The following FBXO4 variants were observed in gnomAD, a reference collection of about 807,000 sequenced individuals.
FBXO4 encodes F-box only protein 4.
FBXO4 carries 36 observed loss-of-function variants against 43.7 expected under a neutral mutation model. The observed-to-expected ratio is 0.82, with a 90% CI of 0.63 to 1.09. The LOEUF is 1.09. Among genes scored for constraint, FBXO4 ranks in the 50% least tolerant of loss-of-function variants. The pLI is 0.00. For synonymous variants in FBXO4, 180 were observed against 165.6 expected, an observed-to-expected ratio of 1.09 and a Z score of -0.67; for missense variants, 435 against 474.1, an observed-to-expected ratio of 0.92 and a Z score of 0.77.
chr5:41,946,608 T>C (rs1339716010), downstream of FBXO4, among the ~76,000 whole-genome samples: 3 of 152,198 alleles, frequency 2.0e-5, no homozygotes, highest in Non-Finnish European at 1.5e-5. Flanking sequence ...TAAACAATTT[T>C]ACATGCCAAG....
chr5:41,925,558 C>T, intron 1 of FBXO4, 60 bp downstream of exon 1: 1 of 1,229,398 alleles, frequency 8.1e-7, no homozygotes, highest in Non-Finnish European at 1.0e-6. Flanking sequence ...GAGGGACCTC[C>T]CCTGGAGCCC....
At chr5:41,960,916 A>C in the FBXO4 span, among the ~76,000 whole-genome samples, 1 of 152,244 alleles carries the variant, frequency 6.6e-6, no homozygotes, top group African/African-American at 2.4e-5. Context: ...GAGTTCATAT[A>C]TCTTCATTGG....
At chr5:41,976,046 A>G in the FBXO4 span, among the ~76,000 whole-genome samples, 1 of 152,192 alleles carries the variant, frequency 6.6e-6, no homozygotes, top group Admixed American at 6.5e-5. Context: ...TGAAATAACC[A>G]GATCTCACAT....
chr5:41,968,259 G>T, the FBXO4 span: 4 of 174,580 alleles, frequency 2.3e-5, no homozygotes, highest in Admixed American at 1.7e-4. Flanking sequence ...GTCCGAGGGA[G>T]TTCAAAGGAA....
the FBXO4 span, among the ~76,000 whole-genome samples, chr5:42,016,373 T>C: frequency 7.6e-3 from 1,151 of 151,952 alleles, 6 homozygotes; most frequent in Non-Finnish European, 0.012. Context: ...CTTTTTTTTT[T>C]CCTTAGGATG....
the FBXO4 span, among the ~76,000 whole-genome samples, chr5:41,964,378 CT>C: frequency 1.3e-5 from 2 of 151,780 alleles, no homozygotes; most frequent in South Asian, 2.1e-4. Flanking sequence ...AGTGATTTCT[CT>C]TTTTTTCATA....
chr5:41,949,758 A>G, the FBXO4 span, among the ~76,000 whole-genome samples: 87 of 152,292 alleles, frequency 5.7e-4, no homozygotes, highest in African/African-American at 2.0e-3. Context: ...CATAGCTAAG[A>G]CAATCCCAAG....
At chr5:42,015,416 C>T in the FBXO4 span, among the ~76,000 whole-genome samples, 2 of 152,148 alleles carry the variant, frequency 1.3e-5, no homozygotes, top group African/African-American at 2.4e-5. Context: ...CTGTTATAAT[C>T]GTTCATTTTG....
the FBXO4 span, among the ~76,000 whole-genome samples, chr5:41,999,457 G>GTATAATATATA: frequency 2.9e-5 from 2 of 69,966 alleles, no homozygotes; most frequent in African/African-American, 1.3e-4. Context: ...GTGTGTGTGT[G>GTATAATATATA]TGTGTGTGTA....
At chr5:41,937,291 A>G (rs917050235) in intron 5 of FBXO4, among the ~76,000 whole-genome samples, 1 of 152,212 alleles carries the variant, frequency 6.6e-6, no homozygotes, top group African/African-American at 2.4e-5. Flanking sequence ...AAATGAAAAC[A>G]TACATACAGG....
the FBXO4 span, among the ~76,000 whole-genome samples, chr5:41,999,464 T>TA: frequency 0.091 from 5,676 of 62,116 alleles, 210 homozygotes; most frequent in African/African-American, 0.15. Flanking sequence ...TGTGTGTGTG[T>TA]GTATATATAT....
intron 2 of FBXO4, 129 bp from the exon 3 acceptor site, chr5:41,929,568 C>T (rs996777532): frequency 3.0e-6 from 2 of 676,988 alleles, no homozygotes; most frequent in East Asian, 2.8e-5. Flanking sequence ...CTATTGTTCT[C>T]CTGGAGGATT....
chr5:41,946,165 C>T (rs951851555), downstream of FBXO4, among the ~76,000 whole-genome samples: 2 of 152,154 alleles, frequency 1.3e-5, no homozygotes, highest in African/African-American at 4.8e-5. Context: ...CACCCCTGGA[C>T]CCAGCTTTCA....
At chr5:41,945,545 G>A (rs538080961), downstream of FBXO4, among the ~76,000 whole-genome samples, 14 of 152,262 alleles carry the variant, frequency 9.2e-5, no homozygotes, top group Admixed American at 3.3e-4. Flanking sequence ...ACAACAGCAC[G>A]CGATGTGCTT....
the FBXO4 span, chr5:41,967,605 C>T: frequency 9.2e-7 from 1 of 1,084,212 alleles, no homozygotes; most frequent in Non-Finnish European, 1.4e-6. Context: ...GCCACAACCA[C>T]ATTCTTCCCT....
chr5:41,952,298 A>C, the FBXO4 span: 2 of 152,196 alleles, frequency 1.3e-5, no homozygotes, highest in Admixed American at 6.5e-5. Flanking sequence ...AATTTAGTAT[A>C]TTTAATAAAG....
the FBXO4 span, among the ~76,000 whole-genome samples, chr5:41,981,506 G>A: frequency 6.6e-6 from 1 of 151,292 alleles, no homozygotes; most frequent in Non-Finnish European, 1.5e-5. Flanking sequence ...TTTATATGGA[G>A]AAATCTTTTG....
chr5:41,999,480 CATAT>C, the FBXO4 span, among the ~76,000 whole-genome samples: 182 of 114,920 alleles, frequency 1.6e-3, 1 homozygote, highest in East Asian at 9.3e-3. Context: ...TATATATACA[CATAT>C]ATATATATAC....
chr5:42,016,879 C>T, the FBXO4 span, among the ~76,000 whole-genome samples: 2 of 151,950 alleles, frequency 1.3e-5, no homozygotes, highest in Non-Finnish European at 2.9e-5. Flanking sequence ...TTTAACCTAA[C>T]TTTTTTTGTT....
Sources: gnomAD v4.1 joint callset for allele counts (sites outside exome capture counted in the v4.1 genomes callset) on GRCh38, gnomAD v4.1.1 for gene constraint, MANE v1.5 for transcripts, NCBI Gene and HGNC (gene_info 2026-07-23, HGNC 2026-07-21) for gene names.